ACYP2: variants seen among roughly 807,000 people sequenced by gnomAD.
ACYP2 encodes the protein acylphosphatase 2.
In ACYP2, 12 loss-of-function variants were observed where a neutral mutation model predicts 11.2. That is an observed-to-expected ratio of 1.08 (90% CI 0.69 to 1.74). ACYP2 has a LOEUF of 1.74. ACYP2 is among the 40% of genes most tolerant of loss of function. The probability of loss-of-function intolerance (pLI) is 0.00; values close to 1 mark genes in which losing one functional copy is unlikely to be tolerated. For missense variants in ACYP2, 134 were observed against 101.9 expected (o/e 1.31, Z -1.35); for synonymous variants, 43 against 32.2 (o/e 1.33, Z -1.13).
chr2:54,194,966 A>C (rs905203945), intron 6 of ACYP2, among the ~76,000 whole-genome samples: 1 of 152,332 alleles, frequency 6.6e-6, no homozygotes, highest in African/African-American at 2.4e-5. Context: ...ATTCAAATGA[A>C]GGTAGGAATA....
chr2:54,094,935 G>C (rs1678437757), intron 4 of ACYP2, among the ~76,000 whole-genome samples: 1 of 151,624 alleles, frequency 6.6e-6, no homozygotes, highest in African/African-American at 2.4e-5. Context: ...TTCTCACAGA[G>C]GGGGATTTGG....
intron 2 of ACYP2, among the ~76,000 whole-genome samples, chr2:54,026,559 TA>T (rs1674298928): frequency 2.2e-5 from 1 of 44,544 alleles, no homozygotes; most frequent in Admixed American, 1.8e-4. Flanking sequence ...CATTACTGGG[TA>T]TCTACCCAGA....
Position 54,155,309 on chromosome 2 carries a change from A to G in ACYP2, c.404+16561A>G, listed in dbSNP as rs1047935901. Reference sequence around the variant, plus strand: ...CTCTATTTTATTTATTTTTGCCCTGATCTTTGTCATTTTTTTCCTTCTGCT... The same window carrying G: ...CTCTATTTTATTTATTTTTGCCCTGGTCTTTGTCATTTTTTTCCTTCTGCT... On this transcript the variant is annotated intron_variant, in intron 6 of 6. Transcript: ENST00000607452. Among the ~76,000 whole-genome samples, 7 of 151,126 alleles carry G rather than the reference A, an allele frequency of 4.6e-5. No individual in the cohort carries two copies. In the East Asian group the frequency reaches 1.2e-3, roughly 25 times the overall value.
intron 1 of ACYP2, among the ~76,000 whole-genome samples, chr2:53,971,802 A>C (rs1671139900): frequency 6.6e-6 from 1 of 151,856 alleles, no homozygotes; most frequent in African/African-American, 2.4e-5. Flanking sequence ...TGGTTAGAAA[A>C]AGGAGGGAGG....
At chr2:54,000,141 T>C (rs905431516) in intron 2 of ACYP2, among the ~76,000 whole-genome samples, 1 of 151,788 alleles carries the variant, frequency 6.6e-6, no homozygotes, top group African/African-American at 2.4e-5. Context: ...ATTATTTTAC[T>C]AAGAAGCTCA....
intron 6 of ACYP2, among the ~76,000 whole-genome samples, chr2:54,284,286 C>A (rs558386087): frequency 6.6e-6 from 1 of 152,330 alleles, no homozygotes; most frequent in East Asian, 1.9e-4. Context: ...ACTGCACTTT[C>A]TCCCATGGAG....
chr2:54,123,760 A>G (rs1680292711), intron 4 of ACYP2, among the ~76,000 whole-genome samples: 1 of 152,134 alleles, frequency 6.6e-6, no homozygotes. Context: ...TCATACCATG[A>G]TTAGGAGAAA....
chr2:54,255,865 T>C (rs771617673), intron 6 of ACYP2: 1 of 1,613,914 alleles, frequency 6.2e-7, no homozygotes, highest in Non-Finnish European at 8.5e-7. Context: ...TTCTAGGCCC[T>C]CCGCGGGTGG....
chr2:54,213,896 T>C lies in ACYP2; in HGVS notation c.404+75148T>C, dbSNP rs1326432356. The stretch of plus-strand genomic sequence containing the variant: ...GATCCTCCTGCCTCAGCCTCCCAAG[T>C]AGCTAAGACCACAGGGGCATGCCAC... On this transcript the variant is annotated intron_variant, in intron 6 of 6. Coordinates refer to ENST00000607452, the MANE Select transcript of ACYP2 (RefSeq NM_001320586.2). Among the ~76,000 whole-genome samples the C allele has an allele frequency of 3.3e-5, 5 of 152,182 alleles. No homozygotes were observed. The East Asian group carries it at 9.7e-4, about 29-fold the overall frequency.
chr2:54,226,566 T>C (rs1057397400), intron 6 of ACYP2, among the ~76,000 whole-genome samples: 6 of 152,254 alleles, frequency 3.9e-5, no homozygotes, highest in African/African-American at 1.4e-4. Flanking sequence ...AGCAGGGTAT[T>C]TCTTAGGCTT....
At chr2:54,283,704 C>T (rs843721) in intron 6 of ACYP2, among the ~76,000 whole-genome samples, 83,118 of 152,132 alleles carry the variant, frequency 0.55, 24,361 homozygotes, top group African/African-American at 0.76. Context: ...TGGAACAACT[C>T]GAATTTCCAA....
At chr2:54,150,136 T>G (rs929821877) in intron 6 of ACYP2, among the ~76,000 whole-genome samples, 1 of 152,208 alleles carries the variant, frequency 6.6e-6, no homozygotes, top group African/African-American at 2.4e-5. Flanking sequence ...TTTGCAAGTT[T>G]AGTAAATGAA....
At chr2:54,073,839 T>A (rs1677189491) in intron 4 of ACYP2, among the ~76,000 whole-genome samples, 1 of 152,198 alleles carries the variant, frequency 6.6e-6, no homozygotes, top group African/African-American at 2.4e-5. Context: ...GAGATACCAC[T>A]TCATACCTAC....
At chr2:54,015,681 A>T (rs1673648995) in intron 2 of ACYP2, among the ~76,000 whole-genome samples, 1 of 150,596 alleles carries the variant, frequency 6.6e-6, no homozygotes, top group African/African-American at 2.5e-5. Flanking sequence ...ACACACACAC[A>T]CACACACGGC....
At chr2:54,012,480 C>T (rs1673427054) in intron 2 of ACYP2, among the ~76,000 whole-genome samples, 1 of 152,206 alleles carries the variant, frequency 6.6e-6, no homozygotes. Flanking sequence ...TGTGCCACTG[C>T]ACTCTAGCCT....
intron 6 of ACYP2, among the ~76,000 whole-genome samples, chr2:54,175,913 A>G (rs778195082): frequency 2.0e-5 from 3 of 152,154 alleles, no homozygotes; most frequent in Admixed American, 6.6e-5. Flanking sequence ...TGATCAGATC[A>G]TAAGGGCAGA....
At chr2:54,220,771 T>C (rs843754) in intron 6 of ACYP2, among the ~76,000 whole-genome samples, 85,850 of 152,036 alleles carry the variant, frequency 0.56, 24,454 homozygotes, top group East Asian at 0.68. Flanking sequence ...TTCAGAACAT[T>C]AAAATTAGTG....
intron 6 of ACYP2, among the ~76,000 whole-genome samples, chr2:54,170,231 C>A (rs1683167303): frequency 6.6e-6 from 1 of 152,164 alleles, no homozygotes; most frequent in Non-Finnish European, 1.5e-5. Flanking sequence ...TGGCTCACTG[C>A]AACCTCCACC....
At chr2:54,178,973 G>C (rs1158874583) in intron 6 of ACYP2, among the ~76,000 whole-genome samples, 2 of 152,060 alleles carry the variant, frequency 1.3e-5, no homozygotes, top group Non-Finnish European at 2.9e-5. Flanking sequence ...GGATCTGGAG[G>C]CTGGGATATC....
Sources: gnomAD v4.1 joint callset for allele counts (sites outside exome capture counted in the v4.1 genomes callset) on GRCh38, gnomAD v4.1.1 for gene constraint, MANE v1.5 for transcripts, NCBI Gene and HGNC (gene_info 2026-07-23, HGNC 2026-07-21) for gene names.